The following SOX6 variants were observed in gnomAD, a reference collection of about 807,000 sequenced individuals.
SOX6 encodes SRY-box transcription factor 6.
Under a neutral mutation model 97.8 loss-of-function variants are expected in SOX6, and 11 were observed. The observed-to-expected ratio is 0.11, with a 90% CI of 0.07 to 0.19. The LOEUF (loss-of-function observed/expected upper bound fraction) is 0.19. Among genes scored for constraint, SOX6 ranks in the 10% least tolerant of loss-of-function variants. The probability of loss-of-function intolerance (pLI) is 1.00; values close to 1 mark genes in which losing one functional copy is unlikely to be tolerated. For missense variants in SOX6, 810 were observed against 1,039.5 expected, an observed-to-expected ratio of 0.78 and a Z score of 3.04; for synonymous variants, 360 against 371.4, an observed-to-expected ratio of 0.97 and a Z score of 0.35.
At chr11:16,486,367 C>T (rs1327025045) in intron 4 of SOX6, among the ~76,000 whole-genome samples, 1 of 152,268 alleles carries the variant, frequency 6.6e-6, no homozygotes, top group African/African-American at 2.4e-5. Flanking sequence ...AAATACACTT[C>T]TTTGAAATAA....
intron 14 of SOX6, 38 bp from the exon 15 acceptor site, chr11:15,986,458 A>G (rs774161314): frequency 6.2e-7 from 1 of 1,601,520 alleles, no homozygotes; most frequent in South Asian, 1.1e-5. Context: ...CAAGTGGTCA[A>G]GGCAACATAT....
intron 2 of SOX6, among the ~76,000 whole-genome samples, chr11:16,731,866 C>T (rs932105241): frequency 3.9e-5 from 6 of 152,192 alleles, no homozygotes; most frequent in Admixed American, 1.3e-4. Context: ...CCCAAAATCT[C>T]CTTAAGCTGA....
chr11:16,267,221 G>T (rs1854106945), intron 3 of SOX6, among the ~76,000 whole-genome samples: 1 of 150,810 alleles, frequency 6.6e-6, no homozygotes, highest in Non-Finnish European at 1.5e-5. Context: ...AAAAACTTCT[G>T]CACAACAAAT....
chr11:16,154,029 T>G (rs901164108), intron 6 of SOX6, among the ~76,000 whole-genome samples: 2 of 152,146 alleles, frequency 1.3e-5, no homozygotes, highest in African/African-American at 4.8e-5. Context: ...TGAAGTAAGA[T>G]GGCAATTTAT....
intron 3 of SOX6, among the ~76,000 whole-genome samples, chr11:16,635,793 CTG>C (rs1366326970): frequency 6.6e-6 from 1 of 152,222 alleles, no homozygotes; most frequent in African/African-American, 2.4e-5. Flanking sequence ...GCCACTCCAG[CTG>C]TGGCTAAAAG....
chr11:16,255,747 C>T (rs1853662150), intron 3 of SOX6, among the ~76,000 whole-genome samples: 1 of 150,118 alleles, frequency 6.7e-6, no homozygotes, highest in Non-Finnish European at 1.5e-5. Flanking sequence ...GTCAACAGAA[C>T]TGAAAACAGG....
chr11:16,293,924 G>A (rs1190226741), intron 3 of SOX6, among the ~76,000 whole-genome samples: 8 of 151,778 alleles, frequency 5.3e-5, no homozygotes, highest in Non-Finnish European at 1.0e-4. Context: ...ATTCTCTACA[G>A]TCAAATGTAA....
intron 6 of SOX6, among the ~76,000 whole-genome samples, chr11:16,132,844 A>T (rs895887565): frequency 6.6e-6 from 1 of 152,200 alleles, no homozygotes; most frequent in African/African-American, 2.4e-5. Flanking sequence ...CTATTCCTTC[A>T]TCTCACAAGC....
intron 3 of SOX6, chr11:16,313,497 A>G (rs1302099121): frequency 6.6e-6 from 1 of 152,136 alleles, no homozygotes; most frequent in African/African-American, 2.4e-5. Context: ...GTCCAATGAG[A>G]TAATACATCC....
chr11:16,096,155 A>C, intron 8 of SOX6, 37 bp from the exon 9 acceptor site: 3 of 1,604,780 alleles, frequency 1.9e-6, no homozygotes, highest in Non-Finnish European at 2.6e-6. Flanking sequence ...AAAAAAAGAC[A>C]AAACATACTG....
In SOX6 at chr11:16,706,448, A is replaced by AC. The variant is rs1350138035; in HGVS notation, n.429+8381dup. 6.8e-4 allele frequency among the ~76,000 whole-genome samples: 5 copies of AC among 7,366 alleles called. 1 individual carries two copies. Among genetic ancestry groups the AC allele is most frequent in the African/African-American group, 2.7e-3 (5 of 1,844 alleles). The allele number at this position is 7,366 out of a possible 152,430, so 4.8% of individuals were successfully genotyped here. A position where few individuals can be genotyped will look rare whatever the true frequency, so the allele number is the denominator to read the frequency against. The stretch of plus-strand genomic sequence containing the variant: ...CTGGGTGAAAGAGTGAGAACCTATC[A>AC]CAAAAAAAAAAAAAAAAAAAAAAAT... On this transcript the variant is annotated intron_variant and non_coding_transcript_variant, in intron 3 of 5. Transcript: ENST00000524520.
intron 1 of SOX6, among the ~76,000 whole-genome samples, chr11:16,373,477 A>G (rs1857547051): frequency 6.6e-6 from 1 of 152,028 alleles, no homozygotes; most frequent in East Asian, 1.9e-4. Context: ...AAATAAACTT[A>G]AACTCCTACA....
intron 10 of SOX6, 22 bp downstream of exon 10, chr11:16,055,729 AC>A (rs1847797925): frequency 6.2e-7 from 1 of 1,613,412 alleles, no homozygotes; most frequent in East Asian, 2.2e-5. Context: ...AACTGTTTCC[AC>A]AATGCTGCAA....
At chr11:16,437,245 G>A (rs1306069575) in intron 1 of SOX6, among the ~76,000 whole-genome samples, 2 of 151,536 alleles carry the variant, frequency 1.3e-5, no homozygotes, top group African/African-American at 2.4e-5. Flanking sequence ...CTCCGGCCTG[G>A]GGGGCAGAGC....
At chr11:16,517,836 G>A (rs933401380) in intron 4 of SOX6, among the ~76,000 whole-genome samples, 2 of 152,036 alleles carry the variant, frequency 1.3e-5, no homozygotes, top group Non-Finnish European at 2.9e-5. Flanking sequence ...CTGTCACTAG[G>A]TTCATTTCCA....
intron 4 of SOX6, among the ~76,000 whole-genome samples, chr11:16,587,773 G>A (rs975493545): frequency 1.5e-4 from 23 of 152,182 alleles, no homozygotes; most frequent in African/African-American, 5.5e-4. Flanking sequence ...GATTCTGGAA[G>A]AGGTTAACTA....
chr11:16,183,188 T>A (rs141482858), intron 6 of SOX6, among the ~76,000 whole-genome samples: 88 of 152,088 alleles, frequency 5.8e-4, no homozygotes, highest in African/African-American at 1.9e-3. Flanking sequence ...CAAATAGCTG[T>A]TCATTGAGTT....
At chr11:16,684,483 G>A (rs528209633) in intron 3 of SOX6, among the ~76,000 whole-genome samples, 133 of 148,694 alleles carry the variant, frequency 8.9e-4, no homozygotes, top group African/African-American at 3.3e-3. Flanking sequence ...CACAAGGACA[G>A]AAAACCAAAC....
At chr11:16,362,044 A>G (rs934287619) in intron 1 of SOX6, among the ~76,000 whole-genome samples, 1 of 152,128 alleles carries the variant, frequency 6.6e-6, no homozygotes, top group Admixed American at 6.5e-5. Context: ...TGAAGCTTAA[A>G]GAAGATAATT....
Sources: gnomAD v4.1 joint callset for allele counts (sites outside exome capture counted in the v4.1 genomes callset) on GRCh38, gnomAD v4.1.1 for gene constraint, MANE v1.5 for transcripts, NCBI Gene and HGNC (gene_info 2026-07-23, HGNC 2026-07-21) for gene names.